PDE1B: variants seen among roughly 807,000 people sequenced by gnomAD.
PDE1B encodes dual specificity calcium/calmodulin-dependent 3',5'-cyclic nucleotide phosphodiesterase 1B.
In PDE1B, 13 loss-of-function variants were observed where a neutral mutation model predicts 66.7. The observed-to-expected ratio is 0.19, with a 90% CI of 0.13 to 0.31. The LOEUF is 0.31. Ranked by LOEUF, PDE1B falls within the 10% of genes least tolerant of loss-of-function variation. PDE1B has a pLI of 1.00. For missense variants in PDE1B, 485 were observed against 682.3 expected, an observed-to-expected ratio of 0.71 and a Z score of 3.22; for synonymous variants, 230 against 253.9, an observed-to-expected ratio of 0.91 and a Z score of 0.90.
chr12:54,574,525 C>T (rs1032152134), intron 10 of PDE1B: 4 of 152,256 alleles, frequency 2.6e-5, no homozygotes, highest in African/African-American at 4.8e-5. Context: ...CTCAGTGTCA[C>T]GCGGCTAACA....
At chr12:54,572,885 C>A in intron 7 of PDE1B, 144 bp downstream of exon 7, 1 of 831,010 alleles carries the variant, frequency 1.2e-6, no homozygotes, top group Non-Finnish European at 2.0e-6. Context: ...ACTGGATTAA[C>A]TCACTCTAGA....
At chr12:54,550,610 AG>A (rs11384809) in intron 2 of PDE1B, among the ~76,000 whole-genome samples, 8 of 151,920 alleles carry the variant, frequency 5.3e-5, no homozygotes, top group Admixed American at 3.3e-4. Flanking sequence ...TGGAATCTGG[AG>A]GGGGGGTTGG....
intron 2 of PDE1B, among the ~76,000 whole-genome samples, chr12:54,553,307 C>T (rs1198404566): frequency 6.6e-6 from 1 of 152,220 alleles, no homozygotes; most frequent in East Asian, 1.9e-4. Context: ...CTTTTCTCTG[C>T]TCCAGTTTCT....
chr12:54,573,082 TG>T lies in PDE1B; in HGVS notation c.736-64del. The T allele has an allele frequency of 1.8e-6, 2 of 1,133,424 alleles. No individual in the cohort carries two copies. Among genetic ancestry groups the T allele is most frequent in the Non-Finnish European group, 1.3e-6 (1 of 744,110 alleles). The allele number at this position is 1,133,424 out of a possible 1,614,324, so 70.2% of individuals were successfully genotyped here. A position where few individuals can be genotyped will look rare whatever the true frequency, so the allele number is the denominator to read the frequency against. On this transcript the variant is annotated intron_variant, in intron 7 of 15. Coordinates refer to ENST00000243052, the MANE Select transcript of PDE1B (RefSeq NM_000924.4). The surrounding 1 kb of genome is among the most constrained non-coding windows in gnomAD (Gnocchi z 5.2). ...TGGGATGAGTGATCTAGCCTGTGTG[TG>T]GAGGTTCCTGGGAAGTGACCAGCAG...
At chr12:54,555,226 G>A (rs1046882398) in intron 2 of PDE1B, among the ~76,000 whole-genome samples, 1 of 152,178 alleles carries the variant, frequency 6.6e-6, no homozygotes, top group Non-Finnish European at 1.5e-5. Flanking sequence ...GGAAGCCCAG[G>A]GGCTGCCATA....
Position 54,549,697 on chromosome 12 carries a change from A to T in PDE1B, c.-89A>T. On this transcript the variant is annotated 5_prime_UTR_variant, in exon 1 of 16. Transcript: ENST00000243052. ...CTCGGCTGGGCAGCGGGAGAGGAGG[A>T]GCCGCAGGAGCTGCAGCTCTGCCAG... is the stretch of plus-strand genomic sequence containing the variant. 1 of 491,082 alleles carries T rather than the reference A, an allele frequency of 2.0e-6. No individual in the cohort carries two copies. The highest frequency in any genetic ancestry group is 3.6e-6 in the Non-Finnish European group (1 of 277,378). 30.4% of individuals were successfully genotyped at this position (491,082 alleles called of 1,614,324 possible). A position where few individuals can be genotyped will look rare whatever the true frequency, so the allele number is the denominator to read the frequency against.
intron 2 of PDE1B, among the ~76,000 whole-genome samples, chr12:54,552,655 A>G (rs2121022110): frequency 6.6e-6 from 1 of 152,378 alleles, no homozygotes; most frequent in African/African-American, 2.4e-5. Flanking sequence ...AAATAAATTC[A>G]GAATCTAATC....
chr12:54,555,075 G>A (rs1957326977), intron 2 of PDE1B, among the ~76,000 whole-genome samples: 1 of 152,180 alleles, frequency 6.6e-6, no homozygotes, highest in South Asian at 2.1e-4. Flanking sequence ...GGATAGGTGG[G>A]ACTAGAGGAG....
chr12:54,567,011 A>C lies in PDE1B; in HGVS notation c.151A>C (p.Ile51Leu). 6.2e-7 allele frequency: 1 copy of C among 1,612,752 alleles called. No homozygotes were observed. The highest frequency in any genetic ancestry group is 8.5e-7 in the Non-Finnish European group (1 of 1,179,204). ...YMVKQLENGE[I>L]NIEELKKNLE... is the part of the protein sequence containing the mutation. The stretch of plus-strand genomic sequence containing the variant: ...GGTGAAGCAGTTGGAGAATGGGGAG[A>C]TAAACATTGAGGAGCTGAAGAAAAA... The change falls in exon 3 of 16, where the codon ATA (isoleucine) becomes CTA (leucine). Residue 51 changes from isoleucine (I) to leucine (L), a missense_variant. By Grantham distance (5) the Ile-to-Leu change is conservative (BLOSUM62 2). Transcript: ENST00000243052.
At chr12:54,557,043 C>T (rs1423129051) in intron 2 of PDE1B, among the ~76,000 whole-genome samples, 1 of 152,184 alleles carries the variant, frequency 6.6e-6, no homozygotes, top group Non-Finnish European at 1.5e-5. Context: ...TAGTTCTCTT[C>T]TCTGTGCCCA....
chr12:54,576,091 A>C lies in PDE1B; in HGVS notation c.1367A>C (p.Asn456Thr). ...PLADEDSKSK[N>T]QPSFQWRQPS... ...GCGGATGAGGACTCCAAGTCTAAAA[A>C]CCAGCCCAGGTGAGGGTGGCTGGGG... Residue 456 changes from asparagine to threonine, a missense_variant, in exon 13 of 16, where the codon AAC (asparagine) becomes ACC (threonine). Asn to Thr is a moderately conservative substitution (Grantham distance 65). Around this residue, in one of 4 missense-constraint regions of PDE1B, gnomAD observed 126 missense variants for 133.8 expected, o/e 0.94. Coordinates refer to ENST00000243052, the MANE Select transcript of PDE1B (RefSeq NM_000924.4). The C allele has an allele frequency of 6.2e-7, 1 of 1,605,896 alleles. No individual in the cohort carries two copies. Among genetic ancestry groups the C allele is most frequent in the Non-Finnish European group, 8.5e-7 (1 of 1,172,552 alleles).
At chr12:54,565,925 A>G (rs1023000264) in intron 2 of PDE1B, among the ~76,000 whole-genome samples, 2 of 152,014 alleles carry the variant, frequency 1.3e-5, no homozygotes, top group Non-Finnish European at 2.9e-5. Flanking sequence ...TCATAGGGTG[A>G]CCTTGGGTTT....
chr12:54,551,723 AT>A (rs1367894391), intron 2 of PDE1B, among the ~76,000 whole-genome samples: 1 of 152,172 alleles, frequency 6.6e-6, no homozygotes, highest in African/African-American at 2.4e-5. Context: ...CTGAAAATGA[AT>A]TGTTGTTTCT....
chr12:54,574,224 A>G (rs1957683113), intron 10 of PDE1B: 1 of 174,634 alleles, frequency 5.7e-6, no homozygotes, highest in South Asian at 1.3e-4. Flanking sequence ...GAATGTATAA[A>G]TGTGTGTGAG....
At chr12:54,551,324 T>G (rs1957274878) in intron 2 of PDE1B, among the ~76,000 whole-genome samples, 1 of 152,202 alleles carries the variant, frequency 6.6e-6, no homozygotes. Flanking sequence ...AGGCTTGGAA[T>G]CCAAATGTAC....
intron 2 of PDE1B, 49 bp from the exon 3 acceptor site, chr12:54,566,925 T>G (rs367616343): frequency 2.2e-5 from 21 of 938,808 alleles, no homozygotes; most frequent in Middle Eastern, 2.7e-4. Flanking sequence ...GCTGTTCTCA[T>G]GATAAGGTAG....
intron 2 of PDE1B, among the ~76,000 whole-genome samples, chr12:54,551,524 G>A (rs1228533269): frequency 1.3e-5 from 2 of 152,174 alleles, no homozygotes; most frequent in Non-Finnish European, 2.9e-5. Context: ...GGGGAAAGGG[G>A]CAGATAAGGA....
Position 54,567,084 on chromosome 12 carries a change from C to T in PDE1B, c.224C>T (p.Thr75Ile), listed in dbSNP as rs2058588606. 1.3e-6 allele frequency: 2 copies of T among 1,525,438 alleles called. No individual in the cohort carries two copies. Among genetic ancestry groups the T allele is most frequent in the African/African-American group, 2.7e-5 (2 of 73,254 alleles). The allele number at this position is 1,525,438 out of a possible 1,614,324, so 94.5% of individuals were successfully genotyped here. ...SLLEAVYIDE[T>I]RQILDTEDEL... Reference sequence around the variant, plus strand: ...CTGGAAGCCGTCTACATAGATGAGACACGGTGAGAGAGACCGACAGACAGA... The same window carrying T: ...CTGGAAGCCGTCTACATAGATGAGATACGGTGAGAGAGACCGACAGACAGA... The change falls in exon 3 of 16, where the codon ACA becomes ATA. Residue 75 changes from threonine to isoleucine, a missense_variant. Around this residue, in one of 4 missense-constraint regions of PDE1B, gnomAD observed 282 missense variants for 453.4 expected, o/e 0.62. Coordinates refer to ENST00000243052, the MANE Select transcript of PDE1B (RefSeq NM_000924.4).
At position 54,549,625 on chromosome 12, in the gene PDE1B, C is replaced by A. The variant is rs966970787; in HGVS notation, c.-161C>A. 4.3e-6 allele frequency: 2 copies of A among 469,488 alleles called. No homozygotes were observed. The highest frequency in any genetic ancestry group is 7.8e-5 in the Admixed American group (2 of 25,780). The allele number at this position is 469,488 out of a possible 1,614,324, so 29.1% of individuals were successfully genotyped here. A position where few individuals can be genotyped will look rare whatever the true frequency, so the allele number is the denominator to read the frequency against. Reference sequence around the variant, plus strand: ...CAGCGCGCGGCGGCGGCGGCGGTAGCGGCAGCAGCAGCGGCGGTGCGGAGA... The same window carrying A: ...CAGCGCGCGGCGGCGGCGGCGGTAGAGGCAGCAGCAGCGGCGGTGCGGAGA... On this transcript the variant is annotated 5_prime_UTR_variant, in exon 1 of 16. Transcript: ENST00000243052.
Sources: gnomAD v4.1 joint callset for allele counts (sites outside exome capture counted in the v4.1 genomes callset) on GRCh38, gnomAD v4.1.1 for gene constraint, gnomAD v4.1.1 regional missense constraint, Gnocchi (gnomAD v3.1) non-coding constraint, MANE v1.5 for transcripts, NCBI Gene and HGNC (gene_info 2026-07-23, HGNC 2026-07-21) for gene names.